The following PDE7B variants were observed in gnomAD, a reference collection of about 807,000 sequenced individuals.
PDE7B encodes the protein phosphodiesterase 7B.
In PDE7B, 29 loss-of-function variants were observed where a neutral mutation model predicts 56.2. That is an observed-to-expected ratio of 0.52 (90% confidence interval 0.38 to 0.70). The LOEUF (loss-of-function observed/expected upper bound fraction) is 0.70, where lower values mean the gene tolerates loss of function less well. PDE7B is among the 30% of genes least tolerant of loss of function. PDE7B has a pLI of 0.00. For missense variants in PDE7B, 490 were observed against 565.0 expected, an observed-to-expected ratio of 0.87 and a Z score of 1.35; for synonymous variants, 197 against 196.9, an observed-to-expected ratio of 1.00 and a Z score of 0.00.
intron 6 of PDE7B, 37 bp downstream of exon 6, chr6:136,151,292 T>C: frequency 9.3e-7 from 1 of 1,070,084 alleles, no homozygotes; most frequent in South Asian, 1.3e-5. Flanking sequence ...CCCCATTCTC[T>C]TGAATAATGG....
chr6:135,936,691 C>T (rs4469314), intron 1 of PDE7B, among the ~76,000 whole-genome samples: 1 of 152,194 alleles, frequency 6.6e-6, no homozygotes, highest in Non-Finnish European at 1.5e-5. Context: ...CCAGCAGTTT[C>T]TGAGAGGGAG....
At chr6:135,954,743 A>G (rs1463137454) in intron 2 of PDE7B, among the ~76,000 whole-genome samples, 1 of 152,088 alleles carries the variant, frequency 6.6e-6, no homozygotes, top group Non-Finnish European at 1.5e-5. Context: ...TTTCACCTTG[A>G]GGGTTATGGT....
intron 2 of PDE7B, among the ~76,000 whole-genome samples, chr6:136,069,476 T>C (rs1583863586): frequency 6.6e-6 from 1 of 152,346 alleles, no homozygotes; most frequent in Middle Eastern, 3.4e-3. Context: ...TCCTTGAAAT[T>C]GTACAGTTCA....
chr6:136,140,806 C>T (rs561877634), intron 3 of PDE7B, among the ~76,000 whole-genome samples: 32 of 152,260 alleles, frequency 2.1e-4, no homozygotes, highest in Middle Eastern at 6.8e-3. Context: ...GATTTTTGCT[C>T]ATTGATTTTG....
chr6:136,003,358 G>C (rs1562466035), intron 2 of PDE7B, among the ~76,000 whole-genome samples: 1 of 151,836 alleles, frequency 6.6e-6, no homozygotes, highest in African/African-American at 2.4e-5. Flanking sequence ...AATCAGAGCA[G>C]AACTGAAGGA....
At chr6:136,152,011 A>T (rs1250799214) in intron 6 of PDE7B, among the ~76,000 whole-genome samples, 1 of 152,144 alleles carries the variant, frequency 6.6e-6, no homozygotes, top group Non-Finnish European at 1.5e-5. Flanking sequence ...GTGGATGTGG[A>T]TCATCATAAA....
At chr6:136,156,603 C>T (rs1352555702) in intron 8 of PDE7B, among the ~76,000 whole-genome samples, 1 of 152,128 alleles carries the variant, frequency 6.6e-6, no homozygotes, top group Non-Finnish European at 1.5e-5. Flanking sequence ...ACCTGTTCAA[C>T]TGGTCTTAGG....
intron 1 of PDE7B, among the ~76,000 whole-genome samples, chr6:135,858,709 CTT>C (rs931652952): frequency 4.0e-5 from 6 of 151,606 alleles, no homozygotes; most frequent in African/African-American, 1.5e-4. Context: ...GTCTAAGAAA[CTT>C]TGGCCTGTTA....
chr6:135,947,429 A>G, intron 1 of PDE7B, 35 bp from the exon 2 acceptor site: 2 of 1,529,094 alleles, frequency 1.3e-6, no homozygotes, highest in Non-Finnish European at 9.1e-7. Flanking sequence ...TTGATATGAA[A>G]TCTTAAAATA....
At chr6:136,145,820 G>T (rs1049351076) in intron 3 of PDE7B, among the ~76,000 whole-genome samples, 7 of 152,012 alleles carry the variant, frequency 4.6e-5, no homozygotes, top group African/African-American at 1.4e-4. Flanking sequence ...AGGACTTTTT[G>T]ATCCTTTTCT....
rs192994959 is a variant in PDE7B at position 136,037,896 on chromosome 6, T to C, written c.83-70835T>C. 8.8e-5 allele frequency: 103 copies of C among 1,172,938 alleles called. No individual in the cohort carries two copies. The East Asian group carries it at 1.7e-3, about 19-fold the overall frequency. The allele number at this position is 1,172,938 out of a possible 1,614,324, so 72.7% of individuals were successfully genotyped here. A position where few individuals can be genotyped will look rare whatever the true frequency, so the allele number is the denominator to read the frequency against. ...CTAGAACCTCGATGGCTTTTTTTTT[T>C]CTCCCTGCTGTCGTTCCAGCTGTAG... is the stretch of plus-strand genomic sequence containing the variant. On this transcript the variant is annotated intron_variant, in intron 2 of 12. Transcript: ENST00000308191.
intron 3 of PDE7B, among the ~76,000 whole-genome samples, chr6:136,125,824 C>A (rs1021141820): frequency 1.3e-5 from 2 of 152,018 alleles, no homozygotes; most frequent in African/African-American, 4.8e-5. Context: ...TACACAACAG[C>A]CTTCCCGGGG....
chr6:136,056,987 T>C (rs1440921655), intron 2 of PDE7B, among the ~76,000 whole-genome samples: 1 of 152,188 alleles, frequency 6.6e-6, no homozygotes. Flanking sequence ...AAAGATGAGC[T>C]CTGGAGCCCA....
chr6:135,988,625 GTTC>G (rs770567879), intron 2 of PDE7B, among the ~76,000 whole-genome samples: 4 of 152,244 alleles, frequency 2.6e-5, no homozygotes, highest in Non-Finnish European at 5.9e-5. Context: ...TACAAAATAT[GTTC>G]TTCTTCCTTA....
At chr6:135,855,580 A>G (rs1325473653) in intron 1 of PDE7B, among the ~76,000 whole-genome samples, 1 of 152,216 alleles carries the variant, frequency 6.6e-6, no homozygotes, top group Non-Finnish European at 1.5e-5. Context: ...TGTATTTGCA[A>G]TGGTGTTCTC....
intron 2 of PDE7B, among the ~76,000 whole-genome samples, chr6:135,978,365 ATGAG>A (rs141041162): frequency 0.037 from 5,558 of 151,956 alleles, 224 homozygotes; most frequent in African/African-American, 0.1. Flanking sequence ...ATTGCTGTGG[ATGAG>A]TGAGTGAGTG....
intron 1 of PDE7B, among the ~76,000 whole-genome samples, chr6:135,866,793 A>T (rs560577882): frequency 8.8e-4 from 134 of 152,354 alleles, no homozygotes; most frequent in African/African-American, 3.1e-3. Context: ...GTAAACACAT[A>T]AAAGATTATT....
At chr6:135,901,181 A>G (rs1293483857) in intron 1 of PDE7B, among the ~76,000 whole-genome samples, 2 of 152,226 alleles carry the variant, frequency 1.3e-5, no homozygotes. Flanking sequence ...AGCAGAATGA[A>G]GCAAAGCAGA....
At chr6:136,183,545 A>G (rs1376582719) in intron 11 of PDE7B, among the ~76,000 whole-genome samples, 2 of 149,690 alleles carry the variant, frequency 1.3e-5, no homozygotes, top group East Asian at 3.9e-4. Context: ...GCAGTGAGCC[A>G]AGGTCACGCC....
Sources: allele counts gnomAD v4.1 joint callset (sites outside exome capture counted in the v4.1 genomes callset), GRCh38; gene constraint gnomAD v4.1.1; transcripts MANE v1.5; gene names NCBI Gene and HGNC (gene_info 2026-07-23, HGNC 2026-07-21).